NBPF9: variants seen among roughly 807,000 people sequenced by gnomAD.
NBPF9 encodes NBPF member 9.
NBPF9 carries 91 observed loss-of-function variants against 97.8 expected under a neutral mutation model. That is an observed-to-expected ratio of 0.93 (90% confidence interval 0.79 to 1.11). The LOEUF is 1.11. Among genes scored for constraint, NBPF9 ranks in the 50% least tolerant of loss-of-function variants. NBPF9 has a pLI of 0.00. For synonymous variants in NBPF9, 334 were observed against 359.5 expected (o/e 0.93, Z 0.80); for missense variants, 992 against 939.5 (o/e 1.06, Z -0.73).
At chr1:149,088,415 T>C (rs1274085171) in intron 5 of NBPF9, among the ~76,000 whole-genome samples, 2 of 152,240 alleles carry the variant, frequency 1.3e-5, no homozygotes, top group Admixed American at 6.5e-5. Flanking sequence ...ATTGCATTGA[T>C]TTAGAGCTCT....
At chr1:149,100,973 C>G (rs1553245395) in intron 3 of NBPF9, among the ~76,000 whole-genome samples, 1 of 143,706 alleles carries the variant, frequency 7.0e-6, no homozygotes, top group East Asian at 2.0e-4. Context: ...AATAAAATTG[C>G]TATAAGGTTA....
chr1:149,079,701 C>G (rs2152906131), intron 8 of NBPF9, among the ~76,000 whole-genome samples: 1 of 151,606 alleles, frequency 6.6e-6, no homozygotes, highest in Admixed American at 6.6e-5. Context: ...AAGCCGCAGT[C>G]AGTCAGGAGG....
At position 149,079,222 on chromosome 1, in the gene NBPF9, C is replaced by T. The variant is rs1405142653; in HGVS notation, c.279-1G>A. The T allele has an allele frequency of 2.5e-6, 2 of 810,448 alleles. No homozygotes were observed. Among genetic ancestry groups the T allele is most frequent in the African/African-American group, 3.4e-5 (2 of 58,586 alleles). 50.2% of individuals were successfully genotyped at this position (810,448 alleles called of 1,614,324 possible). A position where few individuals can be genotyped will look rare whatever the true frequency, so the allele number is the denominator to read the frequency against. ...AGAGTGAACCAGGACTTTATATTGC[C>T]TAAGGTGAGACGGTAGAGAAAATTT... On this transcript the variant is annotated splice_acceptor_variant, in intron 8 of 29. Coordinates refer to ENST00000584027, the Ensembl canonical transcript of NBPF9. LOFTEE classifies it high-confidence loss of function.
chr1:149,069,086 C>A (rs1490497216), intron 17 of NBPF9, among the ~76,000 whole-genome samples: 2 of 152,056 alleles, frequency 1.3e-5, no homozygotes, highest in Non-Finnish European at 2.9e-5. Context: ...AGAACAAAGA[C>A]AAAACATACC....
chr1:149,073,130 C>T (rs111437406), intron 13 of NBPF9, among the ~76,000 whole-genome samples, 198 bp from the exon 14 acceptor site: 147,167 of 147,828 alleles, frequency 1, 73,266 homozygotes, highest in African/African-American at 1. Context: ...GAGAGGGCTC[C>T]TGCAAGATCC....
Position 149,056,425 on chromosome 1 carries a change from A to G in NBPF9, c.3092+87T>C, listed in dbSNP as rs1461186564. On this transcript the variant is annotated intron_variant, in intron 29 of 29. Transcript: ENST00000584027. ...GAGTAATTCAGCCTTCGTTGAAAAC[A>G]TGACATCAAACACACTCTGGTTTCC... is the stretch of plus-strand genomic sequence containing the variant. The G allele has an allele frequency of 1.5e-4, 22 of 147,344 alleles. No homozygotes were observed. The East Asian group carries it at 3.1e-3, about 20-fold the overall frequency. 9.1% of individuals were successfully genotyped at this position (147,344 alleles called of 1,614,324 possible). A position where few individuals can be genotyped will look rare whatever the true frequency, so the allele number is the denominator to read the frequency against.
At chr1:149,097,306 C>T (rs1215339939) in intron 4 of NBPF9, among the ~76,000 whole-genome samples, 30 of 152,314 alleles carry the variant, frequency 2.0e-4, no homozygotes, top group Admixed American at 3.3e-4. Flanking sequence ...TGGAGAGAGA[C>T]GCACTACTGT....
At chr1:149,081,531 A>G (rs2080442488) in intron 7 of NBPF9, among the ~76,000 whole-genome samples, 1 of 151,976 alleles carries the variant, frequency 6.6e-6, no homozygotes, top group African/African-American at 2.4e-5. Flanking sequence ...AGTTCCCCTC[A>G]GAGTCACTAG....
At chr1:149,099,253 G>A (rs1156459915) in intron 3 of NBPF9, among the ~76,000 whole-genome samples, 3 of 152,174 alleles carry the variant, frequency 2.0e-5, no homozygotes, top group South Asian at 2.1e-4. Context: ...AGGCTATCTC[G>A]CTGAGCTTTC....
chr1:149,086,820 C>T (rs61809714), intron 5 of NBPF9, among the ~76,000 whole-genome samples: 14 of 151,974 alleles, frequency 9.2e-5, no homozygotes, highest in African/African-American at 1.5e-4. Context: ...TACTGAGCCA[C>T]GAGAAATAGC....
intron 27 of NBPF9, among the ~76,000 whole-genome samples, chr1:149,057,752 C>G (rs1194989021): frequency 0.028 from 1,783 of 63,060 alleles, 2 homozygotes; most frequent in African/African-American, 0.074. Context: ...CACACACACA[C>G]AGAGAGAGAG....
At chr1:149,079,264 G>C (rs1301919388) in intron 8 of NBPF9, 43 bp from the exon 9 acceptor site, 4 of 1,123,130 alleles carry the variant, frequency 3.6e-6, no homozygotes, top group Middle Eastern at 5.7e-4. Flanking sequence ...AGAAAGGGTT[G>C]AGTGATCCGT....
chr1:149,081,386 G>A (rs1553656697), intron 7 of NBPF9, among the ~76,000 whole-genome samples: 1 of 151,618 alleles, frequency 6.6e-6, no homozygotes, highest in Non-Finnish European at 1.5e-5. Flanking sequence ...CCAAAGTGCT[G>A]AGATTACAGG....
At chr1:149,072,428 A>T (rs2079490371) in intron 14 of NBPF9, among the ~76,000 whole-genome samples, 1 of 152,092 alleles carries the variant, frequency 6.6e-6, no homozygotes. Context: ...CACTCTAACA[A>T]GCCTGCTCCC....
chr1:149,097,402 A>C (rs1430732930), intron 4 of NBPF9, among the ~76,000 whole-genome samples: 3 of 152,252 alleles, frequency 2.0e-5, no homozygotes, highest in African/African-American at 7.2e-5. Context: ...TGCCAGAAAC[A>C]CTGAGTCTTG....
chr1:149,071,326 C>A (rs1373807018), intron 15 of NBPF9, among the ~76,000 whole-genome samples, 187 bp from the exon 16 acceptor site: 2 of 151,470 alleles, frequency 1.3e-5, no homozygotes, highest in Non-Finnish European at 2.9e-5. Flanking sequence ...CCATGGGAAC[C>A]AGAGAGGAAG....
intron 21 of NBPF9, among the ~76,000 whole-genome samples, chr1:149,062,611 A>C (rs1242994266): frequency 2.8e-5 from 4 of 141,916 alleles, no homozygotes; most frequent in Non-Finnish European, 6.2e-5. Flanking sequence ...TTTTCCATAA[A>C]CTTGCTCAAG....
At chr1:149,053,810 G>C (rs1300571073), downstream of NBPF9, among the ~76,000 whole-genome samples, 1 of 147,004 alleles carries the variant, frequency 6.8e-6, no homozygotes, top group Non-Finnish European at 1.5e-5. Flanking sequence ...TCCAAAGGGA[G>C]GAAAACCATC....
At chr1:149,097,029 GAAGA>G (rs1374009526) in intron 4 of NBPF9, among the ~76,000 whole-genome samples, 2 of 146,528 alleles carry the variant, frequency 1.4e-5, no homozygotes, top group African/African-American at 2.6e-5. Context: ...AAAAAGAAAA[GAAGA>G]AAGGAAGAAA....
Sources: gnomAD v4.1 joint callset for allele counts (sites outside exome capture counted in the v4.1 genomes callset) on GRCh38, gnomAD v4.1.1 for gene constraint, MANE v1.5 for transcripts, NCBI Gene and HGNC (gene_info 2026-07-23, HGNC 2026-07-21) for gene names.